Variants in ALS2 observed in about 807,000 individuals in gnomAD.
The protein encoded by ALS2 is alsin.
A neutral mutation model predicts 203.4 loss-of-function variants in ALS2; 117 were observed. That is an observed-to-expected ratio of 0.58 (90% CI 0.50 to 0.67). The LOEUF is 0.67. Ranked by LOEUF, ALS2 falls within the 30% of genes least tolerant of loss-of-function variation. The probability of loss-of-function intolerance (pLI) is 0.00; values close to 1 mark genes in which losing one functional copy is unlikely to be tolerated. For synonymous variants in ALS2, 718 were observed against 725.9 expected (o/e 0.99, Z 0.17); for missense variants, 1,715 against 1,989.4 (o/e 0.86, Z 2.62).
At chr2:201,759,150 C>T (rs1167192573) in intron 4 of ALS2, among the ~76,000 whole-genome samples, 1 of 152,160 alleles carries the variant, frequency 6.6e-6, no homozygotes, top group Non-Finnish European at 1.5e-5. Flanking sequence ...AGTCACAAAA[C>T]TCTACCTTAT....
chr2:201,761,857 T>C (rs1693792014), intron 3 of ALS2, 39 bp from the exon 4 acceptor site: 3 of 1,603,064 alleles, frequency 1.9e-6, no homozygotes, highest in Non-Finnish European at 8.5e-7. Context: ...AAAAAAAGGG[T>C]TAGTGAATTA....
intron 9 of ALS2, among the ~76,000 whole-genome samples, chr2:201,746,354 C>T (rs893235296): frequency 3.3e-5 from 5 of 152,084 alleles, no homozygotes; most frequent in Non-Finnish European, 5.9e-5. Context: ...AGACAATAGA[C>T]AAAGTGAGTA....
At position 201,705,413 on chromosome 2, in the gene ALS2, T is replaced by C; in HGVS notation, c.4626+3A>G. On this transcript the variant is annotated splice_donor_region_variant and intron_variant, in intron 30 of 33. Transcript: ENST00000264276. ...TTGCTGAGGAAAAGAAAATCTACTA[T>C]ACCTTTTTACTCTCTCCAAGGATTG... 1.2e-6 allele frequency: 2 copies of C among 1,613,446 alleles called. No individual in the cohort carries two copies. The highest frequency in any genetic ancestry group is 1.7e-6 in the Non-Finnish European group (2 of 1,179,390).
At chr2:201,761,967 GCACACAGTATTTCACATTAATT>G in intron 3 of ALS2, 149 bp from the exon 4 acceptor site, 1 of 825,734 alleles carries the variant, frequency 1.2e-6, no homozygotes, top group East Asian at 2.6e-5. Context: ...TCTGGTTCAA[GCACACAGTATTTCACATTAATT>G]CATCTTTTTA....
At chr2:201,751,725 C>A (rs747226689) in intron 7 of ALS2, among the ~76,000 whole-genome samples, 8 of 152,176 alleles carry the variant, frequency 5.3e-5, no homozygotes, top group South Asian at 2.1e-4. Flanking sequence ...TTTTTCTATG[C>A]CTAAAAGACT....
rs1270702071 is a variant in ALS2, at chr2:201,761,554, A to G, written c.440T>C (p.Leu147Ser). 1.2e-6 allele frequency: 2 copies of G among 1,614,198 alleles called. No individual in the cohort carries two copies. The highest frequency in any genetic ancestry group is 2.2e-5 in the South Asian group (2 of 91,082). The part of the protein sequence containing the change: ...VSIADSEASP[L>S]LAVRILQLAC... ...CAACTGTAAAATCCTGACTGCTAAC[A>G]AAGGGCTGGCCTCAGAATCAGCAAT... Residue 147 changes from leucine to serine, a missense_variant, in exon 4 of 34, where the codon TTG becomes TCG. By Grantham distance (145) the Leu-to-Ser change is moderately radical. Transcript: ENST00000264276.
At chr2:201,712,084 A>G (rs1368787203) in intron 25 of ALS2, among the ~76,000 whole-genome samples, 10 of 137,842 alleles carry the variant, frequency 7.3e-5, no homozygotes, top group Non-Finnish European at 3.4e-5. Flanking sequence ...CAAATATAGA[A>G]AAAAAAATTA....
Position 201,704,645 on chromosome 2 carries a change from T to C in ALS2, c.4689-42A>G, listed in dbSNP as rs1476368357. The C allele has an allele frequency of 5.0e-6, 8 of 1,611,706 alleles. No individual in the cohort carries two copies. The African/African-American group carries it at 1.1e-4, about 22-fold the overall frequency. On this transcript the variant is annotated intron_variant, in intron 31 of 33. Coordinates refer to ENST00000264276, the MANE Select transcript of ALS2 (RefSeq NM_020919.4). ...GACAAAAAGACATCCTATAATTTTC[T>C]TAATAAAGCCATTTGATCGTGCTTT... is the stretch of plus-strand genomic sequence containing the variant.
At chr2:201,710,658 A>G (rs1689977923) in intron 26 of ALS2, among the ~76,000 whole-genome samples, 3 of 152,150 alleles carry the variant, frequency 2.0e-5, no homozygotes, top group African/African-American at 7.2e-5. Context: ...TTTTCGAAGG[A>G]AGCAAAGACC....
At chr2:201,738,404 G>T in intron 12 of ALS2, 2 of 485,702 alleles carry the variant, frequency 4.1e-6, no homozygotes, top group Non-Finnish European at 7.5e-6. Flanking sequence ...CTGAGGTAAA[G>T]AGAGTTGTCC....
chr2:201,748,571 T>C (rs1692820939), intron 8 of ALS2, among the ~76,000 whole-genome samples: 1 of 152,232 alleles, frequency 6.6e-6, no homozygotes, highest in Admixed American at 6.5e-5. Context: ...GTCTCCATGC[T>C]ACATTACAAA....
rs878877459 is a variant in ALS2, at chr2:201,724,608, C to T, written c.3348-149G>A. The T allele has an allele frequency of 4.6e-6, 4 of 871,992 alleles. No individual in the cohort carries two copies. The South Asian group carries it at 6.3e-5, about 14-fold the overall frequency. 54.0% of individuals were successfully genotyped at this position (871,992 alleles called of 1,614,324 possible). ...GATTATTTTTCACCAATTAAAAAAA[C>T]CTCATTTTCGAATGATTAAAGTTAA... On this transcript the variant is annotated intron_variant, in intron 20 of 33. Transcript: ENST00000264276.
At chr2:201,753,301 T>G in intron 6 of ALS2, 59 bp from the exon 7 acceptor site, 7 of 1,385,216 alleles carry the variant, frequency 5.1e-6, no homozygotes, top group Non-Finnish European at 5.1e-6. Context: ...AATCGTAGCC[T>G]TTCTCAAATT....
intron 3 of ALS2, among the ~76,000 whole-genome samples, chr2:201,762,344 T>C (rs947214058): frequency 6.6e-6 from 1 of 152,254 alleles, no homozygotes; most frequent in African/African-American, 2.4e-5. Context: ...CTCTAGGCTG[T>C]ACAGGAAGCA....
At chr2:201,757,038 C>A (rs925447487) in intron 5 of ALS2, among the ~76,000 whole-genome samples, 1 of 152,224 alleles carries the variant, frequency 6.6e-6, no homozygotes, top group Non-Finnish European at 1.5e-5. Flanking sequence ...ATTCTCTCCT[C>A]TTTCAAGTCA....
In ALS2 at chr2:201,700,323, C is replaced by T. The variant is rs1689310627; in HGVS notation, c.*1528G>A. On this transcript the variant is annotated 3_prime_UTR_variant, in exon 34 of 34. Coordinates refer to ENST00000264276, the MANE Select transcript of ALS2 (RefSeq NM_020919.4). ...ATAGATTTCTTTGGAGACCCGTGTCCTTGGGTTATTGGGGTCAGAAAGTTA... is the reference window on the plus strand; with the variant it reads ...ATAGATTTCTTTGGAGACCCGTGTCTTTGGGTTATTGGGGTCAGAAAGTTA... 6.6e-6 allele frequency among the ~76,000 whole-genome samples: 1 copy of T among 152,060 alleles called. No homozygotes were observed. Among genetic ancestry groups the T allele is most frequent in the African/African-American group, 2.4e-5 (1 of 41,390 alleles).
intron 27 of ALS2, 33 bp downstream of exon 27, chr2:201,709,848 T>C (rs1333733799): frequency 5.6e-6 from 9 of 1,613,262 alleles, no homozygotes; most frequent in Non-Finnish European, 6.8e-6. Context: ...TAGTATTCCA[T>C]AGCCCGCAGA....
chr2:201,762,526 G>A (rs1453210576), intron 3 of ALS2, among the ~76,000 whole-genome samples: 1 of 152,314 alleles, frequency 6.6e-6, no homozygotes, highest in East Asian at 1.9e-4. Flanking sequence ...CTTACTGACT[G>A]AGCATCCCAA....
chr2:201,713,095 C>T (rs1414763174), intron 25 of ALS2, among the ~76,000 whole-genome samples: 1 of 149,188 alleles, frequency 6.7e-6, no homozygotes, highest in Non-Finnish European at 1.5e-5. Context: ...TATTTCTTCA[C>T]AAAATGTTCC....
Sources: allele counts gnomAD v4.1 joint callset (sites outside exome capture counted in the v4.1 genomes callset), GRCh38; gene constraint gnomAD v4.1.1; transcripts MANE v1.5; gene names NCBI Gene and HGNC (gene_info 2026-07-23, HGNC 2026-07-21).